The following C10orf90 variants were observed in gnomAD, a reference collection of about 807,000 sequenced individuals.
C10orf90 encodes the protein chromosome 10 open reading frame 90, also known as (E2-independent) E3 ubiquitin-conjugating enzyme FATS.
C10orf90 carries 56 observed loss-of-function variants against 62.5 expected under a neutral mutation model. The ratio of observed to expected loss-of-function variants is 0.90; its 90% confidence interval spans 0.72 to 1.12. The LOEUF is 1.12. Ranked by LOEUF, C10orf90 falls within the 50% of genes most tolerant of loss-of-function variation. C10orf90 has a pLI of 0.00. For missense variants in C10orf90, 970 were observed against 880.4 expected, an observed-to-expected ratio of 1.10 and a Z score of -1.29; for synonymous variants, 386 against 340.4, an observed-to-expected ratio of 1.13 and a Z score of -1.47.
chr10:126,482,086 C>T (rs908025360), intron 4 of C10orf90, among the ~76,000 whole-genome samples: 1 of 152,200 alleles, frequency 6.6e-6, no homozygotes, highest in South Asian at 2.1e-4. Flanking sequence ...TTTGTCTCTA[C>T]TTTGCTGATT....
chr10:126,595,692 A>T (rs192229096), intron 2 of C10orf90, among the ~76,000 whole-genome samples: 211 of 152,238 alleles, frequency 1.4e-3, no homozygotes, highest in Admixed American at 0.011. Flanking sequence ...ACTAGACAGG[A>T]TTCTAACATT....
At chr10:126,449,516 A>G (rs1283393780) in intron 7 of C10orf90, among the ~76,000 whole-genome samples, 1 of 152,190 alleles carries the variant, frequency 6.6e-6, no homozygotes, top group Non-Finnish European at 1.5e-5. Context: ...TATCCAACAT[A>G]GTAGTGGAAG....
At chr10:126,521,226 A>C in intron 2 of C10orf90, 1 of 1,532,500 alleles carries the variant, frequency 6.5e-7, no homozygotes, top group Non-Finnish European at 9.0e-7. Flanking sequence ...GAAGATACTC[A>C]GCGTGGACAG....
At chr10:126,487,579 T>C (rs1861506583) in intron 4 of C10orf90, among the ~76,000 whole-genome samples, 1 of 152,154 alleles carries the variant, frequency 6.6e-6, no homozygotes, top group Non-Finnish European at 1.5e-5. Context: ...CCTTGTAAAG[T>C]TTTCTTTTAA....
intron 2 of C10orf90, among the ~76,000 whole-genome samples, chr10:126,596,081 C>A (rs1453651884): frequency 1.3e-5 from 2 of 149,988 alleles, no homozygotes; most frequent in Non-Finnish European, 3.0e-5. Context: ...AAACTACTAA[C>A]CATGAAAGAA....
chr10:126,593,819 T>A (rs1161759563), intron 2 of C10orf90, among the ~76,000 whole-genome samples: 1 of 152,146 alleles, frequency 6.6e-6, no homozygotes, highest in Non-Finnish European at 1.5e-5. Flanking sequence ...ACATTGTGCT[T>A]GGTGAGGAGT....
intron 4 of C10orf90, among the ~76,000 whole-genome samples, chr10:126,502,023 C>T (rs1294865335): frequency 1.3e-5 from 2 of 148,318 alleles, no homozygotes; most frequent in South Asian, 4.3e-4. Context: ...ACACCATACA[C>T]ACACACCACA....
chr10:126,538,820 C>T (rs970953731), intron 2 of C10orf90, among the ~76,000 whole-genome samples: 7 of 152,168 alleles, frequency 4.6e-5, no homozygotes, highest in Non-Finnish European at 8.8e-5. Flanking sequence ...AGATATGGCT[C>T]CCATCACCTG....
chr10:126,548,338 G>T (rs1466379058), intron 2 of C10orf90, among the ~76,000 whole-genome samples: 1 of 152,120 alleles, frequency 6.6e-6, no homozygotes, highest in Non-Finnish European at 1.5e-5. Context: ...AGGCCAGGAG[G>T]TTGAGAACAG....
chr10:126,427,900 CT>C (rs1371557422), intron 8 of C10orf90, among the ~76,000 whole-genome samples: 2 of 152,132 alleles, frequency 1.3e-5, no homozygotes, highest in African/African-American at 2.4e-5. Context: ...TACATATATC[CT>C]ATTAGTTCTG....
intron 2 of C10orf90, among the ~76,000 whole-genome samples, chr10:126,638,242 TG>T (rs1247079267): frequency 4.6e-5 from 7 of 152,120 alleles, no homozygotes; most frequent in Admixed American, 2.0e-4. Flanking sequence ...TGCCCGATCC[TG>T]GGACCTCAGG....
chr10:126,583,383 T>C (rs1410329257), intron 2 of C10orf90, among the ~76,000 whole-genome samples: 1 of 152,230 alleles, frequency 6.6e-6, no homozygotes, highest in Non-Finnish European at 1.5e-5. Flanking sequence ...TCAAAAGTCA[T>C]CTTCCTTTAT....
chr10:126,564,569 AC>A (rs1328267438), intron 2 of C10orf90, among the ~76,000 whole-genome samples: 1 of 150,830 alleles, frequency 6.6e-6, no homozygotes, highest in Non-Finnish European at 1.5e-5. Context: ...GAAAGGGCCC[AC>A]CTTTTGCAGC....
intron 2 of C10orf90, among the ~76,000 whole-genome samples, chr10:126,607,856 T>C (rs571278569): frequency 2.4e-4 from 37 of 152,192 alleles, no homozygotes; most frequent in Non-Finnish European, 4.3e-4. Context: ...GTATTACATG[T>C]CTATTATGTT....
At chr10:126,623,588 T>A (rs1845687232) in intron 2 of C10orf90, among the ~76,000 whole-genome samples, 1 of 152,104 alleles carries the variant, frequency 6.6e-6, no homozygotes, top group African/African-American at 2.4e-5. Flanking sequence ...ATGCCTGTAA[T>A]CCCAGCACTT....
intron 4 of C10orf90, among the ~76,000 whole-genome samples, chr10:126,465,429 A>G (rs1007838189): frequency 2.0e-5 from 3 of 150,604 alleles, no homozygotes; most frequent in Admixed American, 6.6e-5. Context: ...ATATGATTAT[A>G]TTGTATATAA....
intron 4 of C10orf90, among the ~76,000 whole-genome samples, chr10:126,468,885 T>C (rs2133757362): frequency 6.6e-6 from 1 of 152,324 alleles, no homozygotes; most frequent in Non-Finnish European, 1.5e-5. Flanking sequence ...TTTACCTCCA[T>C]TGGCCAGAAA....
chr10:126,660,300 T>C (rs1846482751), intron 1 of C10orf90, among the ~76,000 whole-genome samples: 1 of 152,220 alleles, frequency 6.6e-6, no homozygotes, highest in Admixed American at 6.5e-5. Flanking sequence ...ATTGAGTCAA[T>C]CAAAAGGGAG....
At chr10:126,511,305 G>A (rs1462180580) in intron 3 of C10orf90, among the ~76,000 whole-genome samples, 2 of 152,144 alleles carry the variant, frequency 1.3e-5, no homozygotes, top group East Asian at 1.9e-4. Flanking sequence ...ACTGCAGTGT[G>A]ATATAGAGCA....
Sources: gnomAD v4.1 joint callset for allele counts (sites outside exome capture counted in the v4.1 genomes callset) on GRCh38, gnomAD v4.1.1 for gene constraint, MANE v1.5 for transcripts, NCBI Gene and HGNC (gene_info 2026-07-23, HGNC 2026-07-21) for gene names.